GRIP1: variants seen among roughly 807,000 people sequenced by gnomAD.
GRIP1 encodes glutamate receptor interacting protein 1.
In GRIP1, 45 loss-of-function variants were observed where a neutral mutation model predicts 129.9. That is an observed-to-expected ratio of 0.35 (90% CI 0.27 to 0.44). The LOEUF (loss-of-function observed/expected upper bound fraction) is 0.44. Ranked by LOEUF, GRIP1 falls within the 20% of genes least tolerant of loss-of-function variation. GRIP1 has a pLI of 1.00. For synonymous variants in GRIP1, 530 were observed against 520.8 expected, an observed-to-expected ratio of 1.02 and a Z score of -0.24; for missense variants, 1,196 against 1,396.8, an observed-to-expected ratio of 0.86 and a Z score of 2.29.
chr12:66,898,594 C>T (rs1000905027), intron 1 of GRIP1, among the ~76,000 whole-genome samples: 1 of 152,140 alleles, frequency 6.6e-6, no homozygotes, highest in Non-Finnish European at 1.5e-5. Flanking sequence ...CTCCTCTTAT[C>T]ATGAAGAGCC....
At chr12:67,001,453 C>G (rs548029212) in intron 1 of GRIP1, among the ~76,000 whole-genome samples, 18 of 152,324 alleles carry the variant, frequency 1.2e-4, no homozygotes, top group Non-Finnish European at 2.5e-4. Flanking sequence ...GTACATTCAA[C>G]CAGTGTAGAC....
rs201410285 is a variant in GRIP1 at position 66,349,183 on chromosome 12, C to T, written c.3223G>A (p.Gly1075Arg). The T allele has an allele frequency of 2.3e-4, 373 of 1,614,100 alleles. 2 individuals are homozygous for T. Among genetic ancestry groups the T allele is most frequent in the Non-Finnish European group, 2.8e-4 (328 of 1,179,988 alleles). The change falls in exon 25 of 25, where the codon GGG (glycine) becomes AGG (arginine). Residue 1075 changes from glycine (G) to arginine (R), a missense_variant. By Grantham distance (125) the Gly-to-Arg change is moderately radical. Transcript: ENST00000359742. ...CLVVPLIAES[G>R]NKLDLVISRN... ...CTAATAACCAGGTCCAGCTTATTCC[C>T]GGATTCTGCTATGAGGGGCACAACA...
chr12:66,444,881 C>T (rs1004429264), intron 12 of GRIP1, 152 bp from the exon 13 acceptor site: 20 of 763,542 alleles, frequency 2.6e-5, no homozygotes, highest in African/African-American at 2.1e-4. Flanking sequence ...TCAAATTCAA[C>T]GTCGTGTGTT....
rs114768856 is a variant in GRIP1, at chr12:67,017,282, C to T, written c.58+51768G>A. Among the ~76,000 whole-genome samples, 386 of 151,902 alleles carry T rather than the reference C, an allele frequency of 2.5e-3. 3 individuals are homozygous for T. Among genetic ancestry groups the T allele is most frequent in the African/African-American group, 8.7e-3 (362 of 41,450 alleles). ...AGTCCCCATTTGCCAGCAACCATCCCAGTTTATGCCTGTTGTCCTCTCGGT... is the reference window on the plus strand; with the variant it reads ...AGTCCCCATTTGCCAGCAACCATCCTAGTTTATGCCTGTTGTCCTCTCGGT... On this transcript the variant is annotated intron_variant, in intron 1 of 1. Transcript: ENST00000643019.
intron 1 of GRIP1, among the ~76,000 whole-genome samples, chr12:66,946,377 A>G (rs1161672390): frequency 2.0e-5 from 3 of 152,072 alleles, no homozygotes; most frequent in Non-Finnish European, 1.5e-5. Flanking sequence ...ATGATCAACA[A>G]TCCCTAGGTA....
intron 1 of GRIP1, among the ~76,000 whole-genome samples, chr12:66,715,257 G>T (rs2035840305): frequency 6.6e-6 from 1 of 151,908 alleles, no homozygotes; most frequent in Non-Finnish European, 1.5e-5. Context: ...TGCCCCCTTG[G>T]ACAGTACTTG....
rs558757614 is a variant in GRIP1, at chr12:66,756,207, T to G, written c.-420+47846A>C. ...TCCCCATTTCCCCTCCCCCAGACCC[T>G]GGCAGCCACCAGTCTACTTTCTGCT... On this transcript the variant is annotated intron_variant, in intron 1 of 4. Coordinates refer to the GRIP1 transcript ENST00000538373. Among the ~76,000 whole-genome samples the G allele has an allele frequency of 9.1e-4, 139 of 152,252 alleles. 1 individual carries two copies. The highest frequency in any genetic ancestry group is 3.2e-3 in the African/African-American group (133 of 41,534).
chr12:66,972,544 A>G (rs2042089651), intron 1 of GRIP1, among the ~76,000 whole-genome samples: 1 of 152,070 alleles, frequency 6.6e-6, no homozygotes, highest in Admixed American at 6.6e-5. Flanking sequence ...ATTTTATTTA[A>G]TTTTCATTTA....
At chr12:66,581,046 A>G (rs2063356685) in intron 2 of GRIP1, among the ~76,000 whole-genome samples, 1 of 152,242 alleles carries the variant, frequency 6.6e-6, no homozygotes, top group Admixed American at 6.5e-5. Context: ...AACAGAAATT[A>G]TAACAAACTG....
chr12:67,035,159 AC>A (rs1671997887), intron 1 of GRIP1, among the ~76,000 whole-genome samples: 1 of 152,148 alleles, frequency 6.6e-6, no homozygotes. Context: ...ATTCTGTTGT[AC>A]TTTTGTCTGA....
At chr12:66,837,725 T>G (rs1251898370) in intron 1 of GRIP1, among the ~76,000 whole-genome samples, 1 of 152,156 alleles carries the variant, frequency 6.6e-6, no homozygotes, top group Non-Finnish European at 1.5e-5. Context: ...AGGGAGGTAG[T>G]TAGAAGCCTA....
At chr12:67,010,081 T>A (rs1469391280) in intron 1 of GRIP1, among the ~76,000 whole-genome samples, 5 of 152,180 alleles carry the variant, frequency 3.3e-5, no homozygotes, top group Non-Finnish European at 5.9e-5. Context: ...TCTATAGGTA[T>A]ACCATGGGAC....
At position 66,525,855 on chromosome 12, in the gene GRIP1, A is replaced by G. The variant is rs1311564297; in HGVS notation, c.502+3976T>C. 3.6e-4 allele frequency among the ~76,000 whole-genome samples: 55 copies of G among 152,014 alleles called. 1 individual carries two copies. Among genetic ancestry groups the G allele is most frequent in the East Asian group, 1.2e-3 (6 of 5,174 alleles). On this transcript the variant is annotated intron_variant, in intron 5 of 24. Transcript: ENST00000359742. ...AAGTCTCAGGATACAAAATCAATGT[A>G]CAAAAATCACAAGCATTCTTATACA...
chr12:66,580,935 C>T (rs891011648), intron 2 of GRIP1, among the ~76,000 whole-genome samples: 1 of 152,076 alleles, frequency 6.6e-6, no homozygotes, highest in African/African-American at 2.4e-5. Context: ...AACTCTCCAC[C>T]CCAAATCAAC....
chr12:66,549,516 C>G (rs2062056794), intron 2 of GRIP1, among the ~76,000 whole-genome samples: 1 of 152,092 alleles, frequency 6.6e-6, no homozygotes, highest in African/African-American at 2.4e-5. Flanking sequence ...GTTTATTCCC[C>G]TCAGGAAATA....
rs1355677788 is a variant in GRIP1 at position 66,585,092 on chromosome 12, C to CT, written c.136+11754dup. On this transcript the variant is annotated intron_variant, in intron 2 of 24. Coordinates refer to ENST00000359742, the MANE Select transcript of GRIP1 (RefSeq NM_001366722.1). Reference sequence around the variant, plus strand: ...TCAATTATGATATTCAGATATACTTCTTTTTTTTCCTTCTTTTTTTTTATT... The same window carrying CT: ...TCAATTATGATATTCAGATATACTTCTTTTTTTTTCCTTCTTTTTTTTTATT... Among the ~76,000 whole-genome samples the CT allele has an allele frequency of 9.4e-3, 1,232 of 131,236 alleles. 20 individuals are homozygous for CT. Among genetic ancestry groups the CT allele is most frequent in the African/African-American group, 0.036 (1,144 of 32,038 alleles). 86.1% of individuals were successfully genotyped at this position (131,236 alleles called of 152,430 possible). A position where few individuals can be genotyped will look rare whatever the true frequency, so the allele number is the denominator to read the frequency against.
intron 13 of GRIP1, among the ~76,000 whole-genome samples, chr12:66,439,380 C>T (rs1049133203): frequency 2.6e-5 from 4 of 152,174 alleles, no homozygotes; most frequent in East Asian, 3.9e-4. Flanking sequence ...TAGACATCAG[C>T]TCCCTCATTC....
chr12:66,365,440 C>T (rs2055080965), intron 23 of GRIP1, among the ~76,000 whole-genome samples: 1 of 152,156 alleles, frequency 6.6e-6, no homozygotes, highest in South Asian at 2.1e-4. Flanking sequence ...TCATCCCTCA[C>T]CTCCCTCCCA....
At chr12:66,425,913 GTATACA>G (rs889594402) in intron 14 of GRIP1, among the ~76,000 whole-genome samples, 2 of 152,048 alleles carry the variant, frequency 1.3e-5, no homozygotes, top group Non-Finnish European at 2.9e-5. Context: ...CATGGCACAT[GTATACA>G]TATGTAACAA....
Sources: allele counts gnomAD v4.1 joint callset (sites outside exome capture counted in the v4.1 genomes callset), GRCh38; gene constraint gnomAD v4.1.1; transcripts MANE v1.5; gene names NCBI Gene and HGNC (gene_info 2026-07-23, HGNC 2026-07-21).